Variants in COL13A1 observed in about 807,000 individuals in gnomAD.
The protein encoded by COL13A1 is collagen type XIII alpha 1 chain.
In COL13A1, 89 loss-of-function variants were observed where a neutral mutation model predicts 130.9. The ratio of observed to expected loss-of-function variants is 0.68; its 90% CI spans 0.57 to 0.81. COL13A1 has a LOEUF of 0.81. Among genes scored for constraint, COL13A1 ranks in the 30% least tolerant of loss-of-function variants. COL13A1 has a pLI of 0.00. For synonymous variants in COL13A1, 402 were observed against 341.6 expected, an observed-to-expected ratio of 1.18 and a Z score of -1.95; for missense variants, 879 against 934.6, an observed-to-expected ratio of 0.94 and a Z score of 0.78.
chr10:69,837,271 T>C (rs1473649819), intron 2 of COL13A1, among the ~76,000 whole-genome samples: 2 of 152,212 alleles, frequency 1.3e-5, no homozygotes, highest in Admixed American at 6.5e-5. Context: ...CTGGTGTCGG[T>C]TCTGATTGGT....
intron 2 of COL13A1, chr10:69,824,010 C>T (rs1054200117): frequency 4.6e-6 from 2 of 437,734 alleles, no homozygotes; most frequent in African/African-American, 2.1e-5. Flanking sequence ...CCGATTTTTG[C>T]TCAGCGTATA....
chr10:69,847,523 C>T (rs904252547), intron 2 of COL13A1, among the ~76,000 whole-genome samples: 1 of 152,228 alleles, frequency 6.6e-6, no homozygotes, highest in African/African-American at 2.4e-5. Context: ...CTGTCTCTCT[C>T]CTCCTGCTCT....
intron 1 of COL13A1, among the ~76,000 whole-genome samples, chr10:69,805,019 A>G (rs1841149746): frequency 6.6e-6 from 1 of 152,058 alleles, no homozygotes; most frequent in South Asian, 2.1e-4. Flanking sequence ...TTCTAAGGGG[A>G]CAAACGGAAC....
At chr10:69,850,645 G>C (rs537793667) in intron 2 of COL13A1, among the ~76,000 whole-genome samples, 2 of 152,036 alleles carry the variant, frequency 1.3e-5, no homozygotes, top group African/African-American at 4.8e-5. Flanking sequence ...GTGATGCTGA[G>C]GGGGGCTGAG....
rs538642176 is a variant in COL13A1, at chr10:69,864,760, G to C, written c.365-3038G>C. Among the ~76,000 whole-genome samples the C allele has an allele frequency of 9.5e-4, 145 of 152,322 alleles. 1 individual carries two copies. Among genetic ancestry groups the C allele is most frequent in the African/African-American group, 3.4e-3 (140 of 41,570 alleles). On this transcript the variant is annotated intron_variant, in intron 2 of 40. Transcript: ENST00000645393. ...AAGCATGGCCGCCTTGCTCGGAAGAGGTGGGTCAAACCCCGGCGGAGAACG... is the reference window on the plus strand; with the variant it reads ...AAGCATGGCCGCCTTGCTCGGAAGACGTGGGTCAAACCCCGGCGGAGAACG...
At chr10:69,902,932 T>C in intron 15 of COL13A1, 77 bp downstream of exon 15, 7 of 1,171,998 alleles carry the variant, frequency 6.0e-6, no homozygotes, top group Non-Finnish European at 8.2e-6. Context: ...GAATAGGCAG[T>C]GGGTCCCCTA....
chr10:69,878,381 C>A (rs2059814257), intron 6 of COL13A1, among the ~76,000 whole-genome samples: 1 of 152,190 alleles, frequency 6.6e-6, no homozygotes, highest in South Asian at 2.1e-4. Flanking sequence ...CCCAGGGGGA[C>A]CCCCGAGGCT....
At position 69,802,316 on chromosome 10, in the gene COL13A1, A is replaced by G; in HGVS notation, c.-108A>G. 1 of 1,247,632 alleles carries G rather than the reference A, an allele frequency of 8.0e-7. No individual in the cohort carries two copies. Among genetic ancestry groups the G allele is most frequent in the Non-Finnish European group, 1.0e-6 (1 of 964,904 alleles). 77.3% of individuals were successfully genotyped at this position (1,247,632 alleles called of 1,614,324 possible). ...CAGCGGAAAGGGACGTTTTCCAGCG[A>G]TACAAGCCCTTTCCCCCTGCCCCGC... On this transcript the variant is annotated 5_prime_UTR_variant, in exon 1 of 41. Coordinates refer to ENST00000645393, the MANE Select transcript of COL13A1 (RefSeq NM_001368882.1).
intron 4 of COL13A1, among the ~76,000 whole-genome samples, chr10:69,873,827 GGT>G (rs1306659016): frequency 6.6e-6 from 1 of 152,172 alleles, no homozygotes; most frequent in Non-Finnish European, 1.5e-5. Context: ...GTGAGCCCCT[GGT>G]GTACAAAGCA....
At chr10:69,905,659 G>T in intron 16 of COL13A1, 128 bp from the exon 17 acceptor site, 2 of 953,950 alleles carry the variant, frequency 2.1e-6, no homozygotes, top group Non-Finnish European at 3.3e-6. Flanking sequence ...GGCTGGAGAT[G>T]GGTGTTGAAG....
intron 20 of COL13A1, 135 bp downstream of exon 20, chr10:69,919,223 G>A: frequency 8.6e-7 from 1 of 1,157,298 alleles, no homozygotes; most frequent in Non-Finnish European, 1.3e-6. Flanking sequence ...GCAGAGAAGG[G>A]CCCACTGGTC....
At chr10:69,912,994 C>T (rs1262588646) in intron 17 of COL13A1, among the ~76,000 whole-genome samples, 1 of 152,194 alleles carries the variant, frequency 6.6e-6, no homozygotes, top group East Asian at 1.9e-4. Flanking sequence ...AGGTGCAGTG[C>T]CCAGCTGGGG....
At chr10:69,880,664 G>A in intron 7 of COL13A1, 111 bp downstream of exon 7, 2 of 1,124,518 alleles carry the variant, frequency 1.8e-6, no homozygotes, top group Non-Finnish European at 1.3e-6. Context: ...CCCTGGGTGG[G>A]GAGGCCACCG....
In COL13A1 at chr10:69,922,707, G is replaced by T; in HGVS notation, c.1144-1G>T. 1 of 1,603,324 alleles carries T rather than the reference G, an allele frequency of 6.2e-7. No individual in the cohort carries two copies. On this transcript the variant is annotated splice_acceptor_variant, in intron 22 of 40. Coordinates refer to ENST00000645393, the MANE Select transcript of COL13A1 (RefSeq NM_001368882.1). LOFTEE classifies it high-confidence loss of function. ...ATGCTAACTCCACCTTCCACCCCCA[G>T]GGAGAGAAAGGCGATGCTGGCAACT... is the stretch of plus-strand genomic sequence containing the variant.
chr10:69,898,169 A>G (rs2061840129), intron 13 of COL13A1, among the ~76,000 whole-genome samples: 1 of 152,150 alleles, frequency 6.6e-6, no homozygotes, highest in East Asian at 1.9e-4. Context: ...TCAACCAAAA[A>G]AAGAACCCAC....
At chr10:69,937,848 C>A in intron 34 of COL13A1, 133 bp downstream of exon 34, 1 of 597,086 alleles carries the variant, frequency 1.7e-6, no homozygotes. Context: ...TTGTCTTTCC[C>A]ACCTGGGCAA....
intron 2 of COL13A1, among the ~76,000 whole-genome samples, chr10:69,826,501 C>A (rs973768168): frequency 2.0e-5 from 3 of 152,166 alleles, no homozygotes; most frequent in Non-Finnish European, 4.4e-5. Context: ...GGAGAAGTCG[C>A]CTTCAGCCAG....
intron 2 of COL13A1, among the ~76,000 whole-genome samples, chr10:69,826,291 G>A (rs1231195978): frequency 1.3e-5 from 2 of 152,208 alleles, no homozygotes; most frequent in East Asian, 1.9e-4. Context: ...TTCACCCAGA[G>A]GGAAGAATGG....
intron 23 of COL13A1, 83 bp from the exon 24 acceptor site, chr10:69,923,719 G>T: frequency 6.5e-7 from 1 of 1,527,972 alleles, no homozygotes; most frequent in South Asian, 1.2e-5. Context: ...ATCTAGGCAT[G>T]AGCGGCAAGA....
Sources: gnomAD v4.1 joint callset for allele counts (sites outside exome capture counted in the v4.1 genomes callset) on GRCh38, gnomAD v4.1.1 for gene constraint, MANE v1.5 for transcripts, NCBI Gene and HGNC (gene_info 2026-07-23, HGNC 2026-07-21) for gene names.